The following LRSAM1 variants were observed in gnomAD, a reference collection of about 807,000 sequenced individuals.
LRSAM1 encodes the protein E3 ubiquitin-protein ligase LRSAM1.
LRSAM1 carries 96 observed loss-of-function variants against 118.1 expected under a neutral mutation model. That is an observed-to-expected ratio of 0.81 (90% CI 0.69 to 0.96). The LOEUF is 0.96. Ranked by LOEUF, LRSAM1 falls within the 40% of genes least tolerant of loss-of-function variation. LRSAM1 has a pLI of 0.00. For synonymous variants in LRSAM1, 322 were observed against 364.2 expected (o/e 0.88, Z 1.32); for missense variants, 804 against 915.5 (o/e 0.88, Z 1.57).
In LRSAM1 at chr9:127,481,202, A is replaced by G. The variant is rs535634164; in HGVS notation, c.1063A>G (p.Ile355Val). 1.9e-5 allele frequency: 30 copies of G among 1,613,452 alleles called. No homozygotes were observed. In the South Asian group the frequency reaches 3.2e-4, roughly 17 times the overall value. ...CCACAGACAAAAGAAAAGCTCCGAGATTTTGAAATCGCTGGAAAATGAAAG... is the reference window on the plus strand; with the variant it reads ...CCACAGACAAAAGAAAAGCTCCGAGGTTTTGAAATCGCTGGAAAATGAAAG... Reference protein sequence around the residue: ...DNQRQKKSSEILKSLENERIR... With the variant: ...DNQRQKKSSEVLKSLENERIR... The change falls in exon 15 of 26, where the codon ATT becomes GTT. Residue 355 changes from isoleucine (I) to valine (V), a missense_variant. Transcript: ENST00000300417.
At chr9:127,461,139 C>A in intron 7 of LRSAM1, 34 bp from the exon 8 acceptor site, 1 of 1,566,258 alleles carries the variant, frequency 6.4e-7, no homozygotes, top group Non-Finnish European at 8.8e-7. Flanking sequence ...CAGGCATAAG[C>A]CACTGCGCCT....
intron 11 of LRSAM1, among the ~76,000 whole-genome samples, chr9:127,475,213 C>G (rs1211743108): frequency 6.6e-6 from 1 of 152,046 alleles, no homozygotes; most frequent in Admixed American, 6.6e-5. Context: ...TCTTTCCAAT[C>G]AGTAAGAAGA....
intron 24 of LRSAM1, among the ~76,000 whole-genome samples, chr9:127,499,639 C>A (rs1344794157): frequency 1.3e-5 from 2 of 151,886 alleles, no homozygotes; most frequent in African/African-American, 4.8e-5. Context: ...TTTAAAAAAT[C>A]TTTAGTTGTG....
chr9:127,502,670 G>A (rs1472301943), intron 25 of LRSAM1, 104 bp from the exon 26 acceptor site: 158 of 1,368,188 alleles, frequency 1.2e-4, no homozygotes, highest in Middle Eastern at 2.7e-4. Flanking sequence ...CTGGGCAACA[G>A]AGTGAGACTC....
chr9:127,483,298 T>C (rs1305408903), intron 16 of LRSAM1, among the ~76,000 whole-genome samples: 1 of 152,072 alleles, frequency 6.6e-6, no homozygotes, highest in Non-Finnish European at 1.5e-5. Flanking sequence ...ATGGAGGAAA[T>C]GGGCCAGGTG....
intron 9 of LRSAM1, among the ~76,000 whole-genome samples, chr9:127,466,504 A>ATATATATATATATATATAT (rs1554755061): frequency 8.2e-5 from 2 of 24,520 alleles, no homozygotes; most frequent in Non-Finnish European, 1.5e-4. Context: ...ATATATATAT[A>ATATATATATATATATATAT]TTTTTTTTTT....
At chr9:127,457,272 C>T (rs200961616) in intron 5 of LRSAM1, 44 bp from the exon 6 acceptor site, 65 of 1,610,778 alleles carry the variant, frequency 4.0e-5, no homozygotes, top group Non-Finnish European at 5.4e-5. Context: ...GCCCTGCCTG[C>T]TGCTCTTCCT....
intron 19 of LRSAM1, 117 bp downstream of exon 19, chr9:127,489,635 C>G: frequency 8.7e-7 from 1 of 1,154,876 alleles, no homozygotes; most frequent in African/African-American, 1.5e-5. Flanking sequence ...GCTTGCTAGC[C>G]CAACAAGAGG....
chr9:127,491,596 G>A (rs999770562), intron 20 of LRSAM1, among the ~76,000 whole-genome samples: 1 of 152,242 alleles, frequency 6.6e-6, no homozygotes, highest in Non-Finnish European at 1.5e-5. Context: ...TGCTGGGTGC[G>A]GGCCCGCCGC....
intron 9 of LRSAM1, 81 bp downstream of exon 9, chr9:127,462,454 C>T: frequency 6.2e-7 from 1 of 1,605,874 alleles, no homozygotes; most frequent in Non-Finnish European, 8.5e-7. Context: ...AGTGCTTGCT[C>T]TGATCTCACG....
intron 9 of LRSAM1, among the ~76,000 whole-genome samples, chr9:127,462,812 A>C (rs1834797499): frequency 6.6e-6 from 1 of 151,982 alleles, no homozygotes; most frequent in Non-Finnish European, 1.5e-5. Flanking sequence ...CACGTGCTGC[A>C]CATGTACTCC....
At position 127,503,470 on chromosome 9, in the gene LRSAM1, A is replaced by T. The variant is rs1305947935; in HGVS notation, c.*571A>T. ...TACCCCATGTAGCTCGATCCGAAGC[A>T]GGAGTGTCAATAAACCTGTCTTCAG... is the stretch of plus-strand genomic sequence containing the variant. On this transcript the variant is annotated 3_prime_UTR_variant, in exon 26 of 26. Transcript: ENST00000300417. 6.3e-6 allele frequency: 1 copy of T among 157,910 alleles called. No individual in the cohort carries two copies. Among genetic ancestry groups the T allele is most frequent in the Non-Finnish European group, 1.4e-5 (1 of 71,566 alleles). 9.8% of individuals were successfully genotyped at this position (157,910 alleles called of 1,614,324 possible).
At chr9:127,476,409 A>G (rs983261773) in intron 11 of LRSAM1, among the ~76,000 whole-genome samples, 3 of 152,110 alleles carry the variant, frequency 2.0e-5, no homozygotes, top group Non-Finnish European at 4.4e-5. Context: ...TTAGCCAGGC[A>G]TAGTGGCACG....
At chr9:127,473,987 T>C (rs752875375) in intron 11 of LRSAM1, 56 bp downstream of exon 11, 56 of 1,612,312 alleles carry the variant, frequency 3.5e-5, no homozygotes, top group Non-Finnish European at 4.6e-5. Flanking sequence ...TGTGCATGTA[T>C]GTGTGTTGAG....
intron 24 of LRSAM1, 42 bp from the exon 25 acceptor site, chr9:127,500,968 C>T (rs370840977): frequency 1.3e-5 from 21 of 1,613,288 alleles, no homozygotes; most frequent in Middle Eastern, 1.6e-4. Flanking sequence ...TTAGGGTCAG[C>T]GGAGATGACC....
rs1836187613 is a variant in LRSAM1, at chr9:127,497,301, C to T, written c.1879C>T (p.Gln627Ter). 1 of 1,612,874 alleles carries T rather than the reference C, an allele frequency of 6.2e-7. No individual in the cohort carries two copies. Among genetic ancestry groups the T allele is most frequent in the Admixed American group, 1.7e-5 (1 of 60,012 alleles). ...GCAGCACGAGATCCTCCGGAGAGTC[C>T]AGGAACTGCTGGATGCAGCCAGGAT... ...GLQHEILRRV[Q>*]ELLDAARIQP... Residue 627 changes from glutamine to a stop codon, truncating the protein, a stop_gained, in exon 24 of 26, where the codon CAG becomes TAG. Transcript: ENST00000300417. LOFTEE classifies it high-confidence loss of function.
chr9:127,499,382 A>G (rs1836282435), intron 24 of LRSAM1, among the ~76,000 whole-genome samples: 1 of 151,762 alleles, frequency 6.6e-6, no homozygotes, highest in African/African-American at 2.4e-5. Context: ...AAACAAAACA[A>G]AAAAATTAAA....
intron 16 of LRSAM1, among the ~76,000 whole-genome samples, chr9:127,485,104 G>T (rs1181316749): frequency 1.3e-5 from 2 of 151,882 alleles, no homozygotes; most frequent in Non-Finnish European, 2.9e-5. Context: ...CACCACGCCT[G>T]GCCTATTTTA....
intron 24 of LRSAM1, among the ~76,000 whole-genome samples, chr9:127,497,633 C>T (rs1338573208): frequency 6.6e-6 from 1 of 152,210 alleles, no homozygotes; most frequent in Non-Finnish European, 1.5e-5. Flanking sequence ...CTGGGATCCA[C>T]ACACTGAGGG....
Sources: gnomAD v4.1 joint callset for allele counts (sites outside exome capture counted in the v4.1 genomes callset) on GRCh38, gnomAD v4.1.1 for gene constraint, MANE v1.5 for transcripts, NCBI Gene and HGNC (gene_info 2026-07-23, HGNC 2026-07-21) for gene names.